The following CAPZB variants were observed in gnomAD, a reference collection of about 807,000 sequenced individuals.
The protein encoded by CAPZB is capping actin protein of muscle Z-line subunit beta, also known as F-actin-capping protein subunit beta.
In CAPZB, 2 loss-of-function variants were observed where a neutral mutation model predicts 38.1. The observed-to-expected ratio is 0.05, with a 90% CI of 0.02 to 0.17. The LOEUF is 0.17. Ranked by LOEUF, CAPZB falls within the 10% of genes least tolerant of loss-of-function variation. The pLI, the probability that CAPZB is intolerant of heterozygous loss-of-function variation, is 1.00. For synonymous variants in CAPZB, 107 were observed against 127.4 expected (o/e 0.84, Z 1.08); for missense variants, 161 against 334.2 (o/e 0.48, Z 4.04).
At chr1:19,411,397 T>A (rs764178215) in intron 2 of CAPZB, among the ~76,000 whole-genome samples, 5 of 152,162 alleles carry the variant, frequency 3.3e-5, no homozygotes, top group Non-Finnish European at 5.9e-5. Context: ...TGGGAGAGCA[T>A]CAATTTTCAA....
intron 1 of CAPZB, among the ~76,000 whole-genome samples, chr1:19,481,752 C>T (rs750219572): frequency 4.6e-5 from 7 of 152,186 alleles, no homozygotes; most frequent in Non-Finnish European, 8.8e-5. Context: ...CCCCAAAAGG[C>T]CTGGGAGTGG....
chr1:19,357,350 G>C lies in CAPZB; in HGVS notation c.471+72C>G. 1 of 1,399,692 alleles carries C rather than the reference G, an allele frequency of 7.1e-7. No homozygotes were observed. The allele number at this position is 1,399,692 out of a possible 1,614,324, so 86.7% of individuals were successfully genotyped here. Reference sequence around the variant, plus strand: ...GCATCCCCCTACTGCATCTGTTAGAGAGCAGCGCGGCACTGGTTGGTGTGC... The same window carrying C: ...GCATCCCCCTACTGCATCTGTTAGACAGCAGCGCGGCACTGGTTGGTGTGC... On this transcript the variant is annotated intron_variant, in intron 5 of 8. Transcript: ENST00000264202. This position sits in a 1 kb window ranked among gnomAD's most constrained non-coding sequence, Gnocchi z 4.3.
chr1:19,464,884 A>G (rs915423018), intron 1 of CAPZB, among the ~76,000 whole-genome samples: 6 of 152,136 alleles, frequency 3.9e-5, no homozygotes, highest in Non-Finnish European at 7.4e-5. Context: ...GATGGGGAAC[A>G]AGGCTGTCTA....
At chr1:19,412,550 TG>T (rs1248241934) in intron 2 of CAPZB, among the ~76,000 whole-genome samples, 1 of 152,194 alleles carries the variant, frequency 6.6e-6, no homozygotes, top group African/African-American at 2.4e-5. Context: ...CCCAAGTAGT[TG>T]TAACTTCAGA....
chr1:19,460,838 C>T (rs1423495458), intron 1 of CAPZB, among the ~76,000 whole-genome samples: 4 of 152,098 alleles, frequency 2.6e-5, no homozygotes, highest in Admixed American at 2.6e-4. Flanking sequence ...GCTCAACACC[C>T]ACCGACACAT....
chr1:19,408,851 C>T (rs981078597), intron 2 of CAPZB, among the ~76,000 whole-genome samples: 5 of 152,346 alleles, frequency 3.3e-5, no homozygotes, highest in Admixed American at 2.6e-4. Context: ...GGACATAGTG[C>T]TTCCTTTTCA....
chr1:19,354,673 T>G (rs1474615542), intron 6 of CAPZB, among the ~76,000 whole-genome samples: 1 of 152,212 alleles, frequency 6.6e-6, no homozygotes, highest in Non-Finnish European at 1.5e-5. Flanking sequence ...GGAACCAGAC[T>G]CTGGCCATGG....
intron 4 of CAPZB, among the ~76,000 whole-genome samples, chr1:19,362,926 G>A (rs2094061563): frequency 1.3e-5 from 2 of 152,130 alleles, no homozygotes; most frequent in Non-Finnish European, 2.9e-5. Flanking sequence ...AGATGAGGAG[G>A]GGGTGAAATG....
intron 1 of CAPZB, among the ~76,000 whole-genome samples, chr1:19,432,060 A>AAAAAAG (rs1553285020): frequency 5.4e-4 from 81 of 149,500 alleles, no homozygotes; most frequent in African/African-American, 1.8e-3. Flanking sequence ...AAAAAAAAAA[A>AAAAAAG]AAAAAGAAAA....
intron 8 of CAPZB, among the ~76,000 whole-genome samples, chr1:19,340,020 T>C (rs2093919536): frequency 6.6e-6 from 1 of 152,196 alleles, no homozygotes; most frequent in Non-Finnish European, 1.5e-5. Context: ...TCAGAACAGC[T>C]ACCCTGGGTT....
At chr1:19,389,128 A>G (rs2094218546) in intron 2 of CAPZB, among the ~76,000 whole-genome samples, 1 of 152,152 alleles carries the variant, frequency 6.6e-6, no homozygotes, top group Non-Finnish European at 1.5e-5. Context: ...GGAATAATAC[A>G]TGGTGTGCCC....
intron 1 of CAPZB, among the ~76,000 whole-genome samples, chr1:19,482,888 A>T (rs1431708308): frequency 6.6e-6 from 1 of 152,240 alleles, no homozygotes; most frequent in Non-Finnish European, 1.5e-5. Flanking sequence ...CAAATAGGGG[A>T]TAAACGTAAC....
intron 2 of CAPZB, among the ~76,000 whole-genome samples, chr1:19,392,344 C>T (rs1287609820): frequency 6.6e-6 from 1 of 151,798 alleles, no homozygotes; most frequent in Admixed American, 6.6e-5. Flanking sequence ...GGAAAAATAA[C>T]AGGGGCATCC....
At chr1:19,449,429 G>T in intron 1 of CAPZB, 1 of 683,862 alleles carries the variant, frequency 1.5e-6, no homozygotes, top group Non-Finnish European at 1.8e-6. Flanking sequence ...GTCTCAGGGT[G>T]AACCATGGTA....
chr1:19,377,496 T>C (rs997256445), intron 4 of CAPZB, among the ~76,000 whole-genome samples: 1 of 152,192 alleles, frequency 6.6e-6, no homozygotes, highest in African/African-American at 2.4e-5. Flanking sequence ...TCGTATATAA[T>C]AGAACTACAG....
chr1:19,393,556 T>C (rs1029569323), intron 2 of CAPZB, among the ~76,000 whole-genome samples: 6 of 152,150 alleles, frequency 3.9e-5, no homozygotes, highest in Non-Finnish European at 8.8e-5. Context: ...AGAATCTCAA[T>C]TTGAGACTGA....
chr1:19,357,946 T>C lies in CAPZB; in HGVS notation c.330-383A>G, dbSNP rs2094030771. ...ACCACGGTTGTTCGATATTTCTGTC[T>C]TTTGGGATATTTTACAGGGCAGATG... On this transcript the variant is annotated intron_variant, in intron 4 of 8. Coordinates refer to ENST00000264202, the MANE Select transcript of CAPZB (RefSeq NM_004930.5). The surrounding 1 kb of genome is among the most constrained non-coding windows in gnomAD (Gnocchi z 4.3). Among the ~76,000 whole-genome samples the C allele has an allele frequency of 6.6e-6, 1 of 152,088 alleles. No homozygotes were observed. The highest frequency in any genetic ancestry group is 6.5e-5 in the Admixed American group (1 of 15,276).
At chr1:19,414,837 A>T (rs181810540) in intron 2 of CAPZB, among the ~76,000 whole-genome samples, 1 of 152,362 alleles carries the variant, frequency 6.6e-6, no homozygotes, top group Non-Finnish European at 1.5e-5. Flanking sequence ...TTTTTGAAAC[A>T]GCTTAACAAC....
intron 2 of CAPZB, among the ~76,000 whole-genome samples, chr1:19,394,520 AGACCAACCTG>A (rs1450020252): frequency 1.3e-5 from 2 of 152,198 alleles, no homozygotes; most frequent in Non-Finnish European, 2.9e-5. Flanking sequence ...CAGGAGTTTG[AGACCAACCTG>A]GCCAACATAG....
Sources: allele counts gnomAD v4.1 joint callset (sites outside exome capture counted in the v4.1 genomes callset), GRCh38; gene constraint gnomAD v4.1.1; non-coding constraint Gnocchi (gnomAD v3.1); transcripts MANE v1.5; gene names NCBI Gene and HGNC (gene_info 2026-07-23, HGNC 2026-07-21).